GRM8: variants seen among roughly 807,000 people sequenced by gnomAD.
GRM8 encodes the protein glutamate metabotropic receptor 8, also known as metabotropic glutamate receptor 8.
GRM8 carries 47 observed loss-of-function variants against 87.2 expected under a neutral mutation model. That is an observed-to-expected ratio of 0.54 (90% CI 0.43 to 0.69). The LOEUF is 0.69. GRM8 is among the 30% of genes least tolerant of loss of function. The pLI, the probability that GRM8 is intolerant of heterozygous loss-of-function variation, is 0.00. For missense variants in GRM8, 1,019 were observed against 1,139.2 expected (o/e 0.89, Z 1.52); for synonymous variants, 396 against 404.5 (o/e 0.98, Z 0.25).
intron 9 of GRM8, chr7:126,512,860 T>A (rs1406092977): frequency 6.6e-6 from 1 of 152,150 alleles, no homozygotes; most frequent in African/African-American, 2.4e-5. Flanking sequence ...ATAGGTGCTG[T>A]TACTGGGGCC....
At chr7:127,183,858 C>T (rs1794604876) in intron 2 of GRM8, among the ~76,000 whole-genome samples, 1 of 151,716 alleles carries the variant, frequency 6.6e-6, no homozygotes, top group African/African-American at 2.4e-5. Flanking sequence ...CACTACTGAT[C>T]ACATGGACAT....
intron 3 of GRM8, among the ~76,000 whole-genome samples, chr7:127,053,625 T>G (rs1016967848): frequency 2.0e-5 from 3 of 151,946 alleles, no homozygotes; most frequent in African/African-American, 7.3e-5. Context: ...CCGTCTCTCC[T>G]AAAAATACAA....
At chr7:126,513,675 C>T (rs970580052) in intron 9 of GRM8, among the ~76,000 whole-genome samples, 4 of 152,044 alleles carry the variant, frequency 2.6e-5, no homozygotes, top group African/African-American at 4.8e-5. Context: ...TACTTTTATA[C>T]TTAGGTAAGT....
intron 2 of GRM8, among the ~76,000 whole-genome samples, chr7:127,130,909 CT>C (rs1188017847): frequency 6.6e-6 from 1 of 152,132 alleles, no homozygotes; most frequent in East Asian, 1.9e-4. Flanking sequence ...TTCCTGAGGC[CT>C]TTACAGCCAT....
At chr7:126,808,065 T>C (rs142134627) in intron 6 of GRM8, among the ~76,000 whole-genome samples, 8 of 152,334 alleles carry the variant, frequency 5.3e-5, no homozygotes, top group African/African-American at 1.9e-4. Flanking sequence ...TGGGCTATAA[T>C]TCAATCATGC....
At chr7:126,440,625 TATC>T (rs1221013117) in intron 10 of GRM8, among the ~76,000 whole-genome samples, 2 of 152,046 alleles carry the variant, frequency 1.3e-5, no homozygotes, top group Non-Finnish European at 2.9e-5. Flanking sequence ...GATATACAAA[TATC>T]ATTGCATTAC....
At chr7:126,854,814 C>A (rs1317219024) in intron 6 of GRM8, among the ~76,000 whole-genome samples, 1 of 152,168 alleles carries the variant, frequency 6.6e-6, no homozygotes, top group South Asian at 2.1e-4. Flanking sequence ...TAATAACTTA[C>A]CTATTTTTGC....
At chr7:127,190,734 G>C (rs554889526) in intron 2 of GRM8, among the ~76,000 whole-genome samples, 4 of 152,148 alleles carry the variant, frequency 2.6e-5, no homozygotes, top group Non-Finnish European at 5.9e-5. Context: ...CATATTTATA[G>C]ATTCTGAAGT....
intron 7 of GRM8, among the ~76,000 whole-genome samples, chr7:126,628,717 T>C (rs1214867064): frequency 1.3e-5 from 2 of 152,172 alleles, no homozygotes; most frequent in Admixed American, 1.3e-4. Context: ...TGAGAATGGG[T>C]TGGTAATTTA....
At chr7:127,232,274 AGGCTGGAGTGCAGTGGCATGATCAT>A (rs1286629010) in intron 2 of GRM8, among the ~76,000 whole-genome samples, 1 of 151,732 alleles carries the variant, frequency 6.6e-6, no homozygotes, top group Non-Finnish European at 1.5e-5. Flanking sequence ...TCTGTTTCCC[AGGCTGGAGTGCAGTGGCATGATCAT>A]GGCTCACTGT....
chr7:126,631,965 G>A (rs1801320245), intron 7 of GRM8, among the ~76,000 whole-genome samples: 1 of 152,104 alleles, frequency 6.6e-6, no homozygotes, highest in South Asian at 2.1e-4. Flanking sequence ...CAGGACATAG[G>A]CATGGGCAAA....
At chr7:126,539,639 C>A (rs1174114862) in intron 8 of GRM8, among the ~76,000 whole-genome samples, 5 of 151,912 alleles carry the variant, frequency 3.3e-5, no homozygotes, top group Non-Finnish European at 2.9e-5. Flanking sequence ...ACCTCATACA[C>A]ATTTATAATA....
At chr7:126,962,620 G>A (rs1162205535) in intron 3 of GRM8, among the ~76,000 whole-genome samples, 1 of 152,172 alleles carries the variant, frequency 6.6e-6, no homozygotes, top group Non-Finnish European at 1.5e-5. Context: ...TATAGATACT[G>A]TGCCTTTTAA....
chr7:126,666,975 G>GA (rs1272020680), intron 7 of GRM8, among the ~76,000 whole-genome samples: 2 of 152,012 alleles, frequency 1.3e-5, no homozygotes, highest in Non-Finnish European at 2.9e-5. Context: ...TTGCCTTTAA[G>GA]AAAAACCCAA....
intron 7 of GRM8, among the ~76,000 whole-genome samples, chr7:126,713,056 G>C (rs1168976933): frequency 6.6e-6 from 1 of 152,114 alleles, no homozygotes; most frequent in Non-Finnish European, 1.5e-5. Flanking sequence ...CAAGGATCTA[G>C]AACCAGAAAT....
At chr7:126,868,143 T>C (rs1239318520) in intron 6 of GRM8, among the ~76,000 whole-genome samples, 2 of 152,174 alleles carry the variant, frequency 1.3e-5, no homozygotes, top group African/African-American at 2.4e-5. Context: ...ATCCCCATCC[T>C]GCCTGTGACC....
intron 6 of GRM8, 94 bp downstream of exon 6, chr7:126,902,448 T>G (rs184551436): frequency 3.0e-6 from 3 of 1,001,670 alleles, no homozygotes; most frequent in Non-Finnish European, 4.4e-6. Flanking sequence ...GAAAATACAT[T>G]CATCATTATC....
rs1370511606 is a variant in GRM8, at chr7:126,469,210, A to ATCCC, written c.2431-22839_2431-22838insGGGA. Among the ~76,000 whole-genome samples, 293 of 152,230 alleles carry ATCCC rather than the reference A, an allele frequency of 1.9e-3. 2 individuals carry two copies. The highest frequency in any genetic ancestry group is 6.3e-3 in the African/African-American group (261 of 41,574). ...GGCTATCACATTCTATCTTATGAAAAGTCTTCTGAGATTCTCTAACAAATA... is the reference window on the plus strand; with the variant it reads ...GGCTATCACATTCTATCTTATGAAAATCCCGTCTTCTGAGATTCTCTAACAAATA... On this transcript the variant is annotated intron_variant, in intron 9 of 10. Transcript: ENST00000339582.
intron 6 of GRM8, among the ~76,000 whole-genome samples, chr7:126,847,194 T>G (rs1796778967): frequency 6.6e-6 from 1 of 152,218 alleles, no homozygotes; most frequent in Non-Finnish European, 1.5e-5. Context: ...GAGACTAGAA[T>G]GAGGTAAAAG....
Sources: allele counts gnomAD v4.1 joint callset (sites outside exome capture counted in the v4.1 genomes callset), GRCh38; gene constraint gnomAD v4.1.1; transcripts MANE v1.5; gene names NCBI Gene and HGNC (gene_info 2026-07-23, HGNC 2026-07-21).